The following ZNF138 variants were observed in gnomAD, a reference collection of about 807,000 sequenced individuals.
The protein encoded by ZNF138 is zinc finger protein 138.
Under a neutral mutation model 33.0 loss-of-function variants are expected in ZNF138, and 33 were observed. The observed-to-expected ratio is 1.00, with a 90% CI of 0.76 to 1.34. The LOEUF (loss-of-function observed/expected upper bound fraction) is 1.34. Among genes scored for constraint, ZNF138 ranks in the 40% most tolerant of loss-of-function variants. The pLI is 0.00. For synonymous variants in ZNF138, 139 were observed against 120.4 expected (o/e 1.15, Z -1.01); for missense variants, 360 against 370.8 (o/e 0.97, Z 0.24).
At chr7:64,799,908 A>C (rs775808117) in intron 1 of ZNF138, among the ~76,000 whole-genome samples, 4 of 152,202 alleles carry the variant, frequency 2.6e-5, no homozygotes, top group Non-Finnish European at 5.9e-5. Flanking sequence ...TCGGCCTCCC[A>C]AAGTGCTGGG....
intron 1 of ZNF138, among the ~76,000 whole-genome samples, chr7:64,796,267 G>A (rs1236325378): frequency 6.6e-6 from 1 of 152,202 alleles, no homozygotes; most frequent in African/African-American, 2.4e-5. Flanking sequence ...AGTCACTGAG[G>A]CATAGTGCAG....
At chr7:64,819,567 C>T (rs1407903382) in intron 3 of ZNF138, among the ~76,000 whole-genome samples, 2 of 151,984 alleles carry the variant, frequency 1.3e-5, no homozygotes, top group Non-Finnish European at 2.9e-5. Flanking sequence ...TGGGGTTTCA[C>T]CATGTTGCCC....
At chr7:64,819,876 C>T (rs905035183) in intron 3 of ZNF138, among the ~76,000 whole-genome samples, 3 of 150,852 alleles carry the variant, frequency 2.0e-5, no homozygotes, top group African/African-American at 7.4e-5. Flanking sequence ...AGTTTGAGAC[C>T]AGCCCGGGAA....
chr7:64,814,100 G>T, intron 1 of ZNF138: 1 of 1,224,874 alleles, frequency 8.2e-7, no homozygotes, highest in Non-Finnish European at 1.0e-6. Context: ...CCACTTACTG[G>T]ATATTTAACA....
chr7:64,854,386 A>G, the ZNF138 span, among the ~76,000 whole-genome samples: 300 of 152,328 alleles, frequency 2.0e-3, 2 homozygotes, highest in Non-Finnish European at 2.1e-3. Context: ...AACTACAGGC[A>G]CACACTACCA....
chr7:64,852,341 TAAAGGAAATAGA>T, the ZNF138 span: 4 of 1,147,692 alleles, frequency 3.5e-6, no homozygotes, highest in Admixed American at 8.4e-5. Flanking sequence ...GAAGCGATGA[TAAAGGAAATAGA>T]TCTATTTAAA....
At chr7:64,837,576 G>A (rs758424535), downstream of ZNF138, among the ~76,000 whole-genome samples, 2 of 152,152 alleles carry the variant, frequency 1.3e-5, no homozygotes, top group Non-Finnish European at 2.9e-5. Flanking sequence ...GAGGGCAAAG[G>A]GAAGTAAGGT....
chr7:64,855,740 T>C, the ZNF138 span, among the ~76,000 whole-genome samples: 1 of 13,010 alleles, frequency 7.7e-5, no homozygotes, highest in African/African-American at 8.1e-5. Flanking sequence ...CTCCAGCCCC[T>C]AACCGCGAGT....
chr7:64,833,997 A>T (rs867736383), downstream of ZNF138, among the ~76,000 whole-genome samples: 1 of 152,232 alleles, frequency 6.6e-6, no homozygotes, highest in Non-Finnish European at 1.5e-5. Context: ...AAGTGCTGGA[A>T]TAACAGGTGT....
the ZNF138 span, among the ~76,000 whole-genome samples, chr7:64,851,236 T>C: frequency 0.059 from 8,950 of 152,250 alleles, 370 homozygotes; most frequent in Middle Eastern, 0.13. Context: ...GATCAACCCC[T>C]CTCTGTTTCC....
At chr7:64,858,503 A>G in the ZNF138 span, among the ~76,000 whole-genome samples, 2 of 152,236 alleles carry the variant, frequency 1.3e-5, no homozygotes, top group Admixed American at 6.5e-5. Flanking sequence ...TACAATCTGC[A>G]TTGCTTTAAC....
intron 3 of ZNF138, among the ~76,000 whole-genome samples, chr7:64,823,557 A>T (rs968705806): frequency 6.6e-6 from 1 of 152,124 alleles, no homozygotes; most frequent in Non-Finnish European, 1.5e-5. Context: ...GCTGGTCTCA[A>T]ACTTCTGGCT....
chr7:64,857,726 A>C, the ZNF138 span, among the ~76,000 whole-genome samples: 1 of 152,186 alleles, frequency 6.6e-6, no homozygotes, highest in African/African-American at 2.4e-5. Flanking sequence ...TTAAAAAAAA[A>C]CAGTGCTTTG....
intron 3 of ZNF138, among the ~76,000 whole-genome samples, chr7:64,828,956 C>A (rs556782210): frequency 6.6e-6 from 1 of 152,170 alleles, no homozygotes; most frequent in East Asian, 1.9e-4. Flanking sequence ...ATTATTTCAA[C>A]CTTTGAACAG....
intron 1 of ZNF138, among the ~76,000 whole-genome samples, chr7:64,814,654 T>G (rs1030155263): frequency 6.6e-6 from 1 of 152,066 alleles, no homozygotes; most frequent in African/African-American, 2.4e-5. Flanking sequence ...TAATCCCAGC[T>G]ACTCGGGATG....
intron 1 of ZNF138, among the ~76,000 whole-genome samples, chr7:64,797,036 C>T (rs367689974): frequency 2.0e-5 from 3 of 151,358 alleles, no homozygotes; most frequent in East Asian, 1.9e-4. Context: ...GGCGACAGAG[C>T]GAGACTCCAT....
intron 1 of ZNF138, among the ~76,000 whole-genome samples, chr7:64,805,210 A>G (rs187809650): frequency 1.5e-4 from 23 of 152,218 alleles, no homozygotes; most frequent in African/African-American, 5.5e-4. Flanking sequence ...CAGCCTGACC[A>G]ACATGGTGAA....
At chr7:64,849,806 C>T in the ZNF138 span, among the ~76,000 whole-genome samples, 2 of 152,070 alleles carry the variant, frequency 1.3e-5, no homozygotes, top group East Asian at 1.9e-4. Context: ...ATGCTCCCCA[C>T]CCCCAAGAGC....
chr7:64,805,855 C>T (rs984155676), intron 1 of ZNF138, among the ~76,000 whole-genome samples: 3 of 152,200 alleles, frequency 2.0e-5, no homozygotes, highest in African/African-American at 7.2e-5. Context: ...AACCAATTAA[C>T]ACACATGGAT....
Sources: gnomAD v4.1 joint callset for allele counts (sites outside exome capture counted in the v4.1 genomes callset) on GRCh38, gnomAD v4.1.1 for gene constraint, MANE v1.5 for transcripts, NCBI Gene and HGNC (gene_info 2026-07-23, HGNC 2026-07-21) for gene names.